Variants in MAP4 observed in about 807,000 individuals in gnomAD.
MAP4 encodes microtubule-associated protein 4.
Under a neutral mutation model 170.2 loss-of-function variants are expected in MAP4, and 76 were observed. The ratio of observed to expected loss-of-function variants is 0.45; its 90% CI spans 0.37 to 0.54. The LOEUF is 0.54. MAP4 is among the 20% of genes least tolerant of loss of function. The pLI, the probability that MAP4 is intolerant of heterozygous loss-of-function variation, is 0.00. For synonymous variants in MAP4, 909 were observed against 994.5 expected (o/e 0.91, Z 1.62); for missense variants, 2,506 against 2,748.0 (o/e 0.91, Z 1.97).
chr3:48,081,616 T>C (rs1273505033), intron 1 of MAP4, among the ~76,000 whole-genome samples: 1 of 152,162 alleles, frequency 6.6e-6, no homozygotes, highest in Non-Finnish European at 1.5e-5. Flanking sequence ...AAGAGAATGC[T>C]AGAATGAACT....
rs886793003 is a variant in MAP4 at position 47,909,083 on chromosome 3, A to G, written c.5338T>C (p.Ser1780Pro). The change falls in exon 9 of 21, where the codon TCT (serine) becomes CCT (proline). Residue 1780 changes from serine (S) to proline (P), a missense_variant. Ser to Pro is a moderately conservative substitution (Grantham distance 74). Transcript: ENST00000683076. ...TGTCTCTCTTGTTCCTGGATTGTAG[A>G]CTTTGGCAAAAGTGGAGTAAGTCCT... ...SRGLTPLLPK[S>P]TIQEQERHKQ... 1 of 1,613,840 alleles carries G rather than the reference A, an allele frequency of 6.2e-7. No individual in the cohort carries two copies. Among genetic ancestry groups the G allele is most frequent in the Non-Finnish European group, 8.5e-7 (1 of 1,179,892 alleles).
At chr3:47,912,447 CGTT>C in intron 8 of MAP4, 26 bp from the exon 9 acceptor site, 1 of 1,443,760 alleles carries the variant, frequency 6.9e-7, no homozygotes, top group Non-Finnish European at 9.1e-7. Context: ...AAAAACTCCT[CGTT>C]ATTGTTTCTT....
chr3:47,883,428 T>A (rs1163490709), intron 10 of MAP4, among the ~76,000 whole-genome samples: 2 of 152,150 alleles, frequency 1.3e-5, no homozygotes, highest in Non-Finnish European at 2.9e-5. Context: ...TTTCTCCATG[T>A]TGGTCAGGCT....
chr3:48,079,342 C>T (rs1378155856), intron 1 of MAP4, among the ~76,000 whole-genome samples: 2 of 151,918 alleles, frequency 1.3e-5, no homozygotes, highest in African/African-American at 4.8e-5. Context: ...GGATACTCAA[C>T]CTATATCTGA....
At chr3:48,035,093 T>C (rs953452124) in intron 1 of MAP4, among the ~76,000 whole-genome samples, 14 of 151,806 alleles carry the variant, frequency 9.2e-5, no homozygotes, top group African/African-American at 3.4e-4. Flanking sequence ...ACTTTCAGAA[T>C]TGTTTAATGC....
At chr3:48,008,094 T>C (rs2100103382) in intron 1 of MAP4, among the ~76,000 whole-genome samples, 3 of 152,196 alleles carry the variant, frequency 2.0e-5, no homozygotes, top group South Asian at 4.1e-4. Flanking sequence ...CATCTAGCCA[T>C]ACAGTGGATT....
chr3:47,952,443 A>C (rs1456502751), intron 3 of MAP4, among the ~76,000 whole-genome samples: 1 of 152,072 alleles, frequency 6.6e-6, no homozygotes, highest in Non-Finnish European at 1.5e-5. Flanking sequence ...TGTGGAATAG[A>C]AAAGGGGGAA....
chr3:48,024,036 G>A (rs541035742), intron 1 of MAP4, among the ~76,000 whole-genome samples: 114 of 152,344 alleles, frequency 7.5e-4, no homozygotes, highest in Non-Finnish European at 1.2e-3. Context: ...AATGGGCCAG[G>A]TGCAGTGGCT....
At chr3:47,973,998 C>A (rs1248903669) in intron 3 of MAP4, 1 of 985,354 alleles carries the variant, frequency 1.0e-6, no homozygotes. Flanking sequence ...GAGAATCCAG[C>A]CCTTGTGACC....
Position 47,870,934 on chromosome 3 carries a change from G to A in MAP4, c.6173C>T (p.Pro2058Leu). ...GCTGAGCCGGGGGGTGGTGGAGCTG[G>A]GTTTGGCCGAGGTGGGCTTCTTGTC... Reference protein sequence around the residue: ...FIDKKPTSAKPSSTTPRLSRL... With the variant: ...FIDKKPTSAKLSSTTPRLSRL... The change falls in exon 15 of 21, where the codon CCC (proline) becomes CTC (leucine). Residue 2058 changes from proline (P) to leucine (L), a missense_variant. Physicochemically the swap from Pro to Leu is moderately conservative, Grantham distance 98. This residue lies in a region of MAP4 where 487 missense variants were observed against 511.6 expected (regional missense o/e 0.95). Transcript: ENST00000683076. The A allele has an allele frequency of 6.2e-7, 1 of 1,614,136 alleles. No individual in the cohort carries two copies. The highest frequency in any genetic ancestry group is 8.5e-7 in the Non-Finnish European group (1 of 1,179,988).
intron 1 of MAP4, among the ~76,000 whole-genome samples, chr3:48,013,875 A>T (rs2154444447): frequency 6.6e-6 from 1 of 152,274 alleles, no homozygotes; most frequent in African/African-American, 2.4e-5. Flanking sequence ...TAAGCCCTGT[A>T]TTATCTAACC....
At chr3:48,040,753 G>A (rs1479482636) in intron 1 of MAP4, among the ~76,000 whole-genome samples, 1 of 151,930 alleles carries the variant, frequency 6.6e-6, no homozygotes, top group Non-Finnish European at 1.5e-5. Flanking sequence ...TAGTAGAGAC[G>A]GGGTTTCACC....
chr3:47,880,658 GATGGAGGTCTTGCC>G (rs2096569565), intron 10 of MAP4, among the ~76,000 whole-genome samples: 1 of 151,960 alleles, frequency 6.6e-6, no homozygotes, highest in Admixed American at 6.6e-5. Context: ...TTTTTGAAGA[GATGGAGGTCTTGCC>G]ATGTGGCCCA....
At chr3:47,890,112 CAT>C (rs898875348) in intron 10 of MAP4, among the ~76,000 whole-genome samples, 3 of 151,980 alleles carry the variant, frequency 2.0e-5, no homozygotes, top group East Asian at 1.9e-4. Context: ...AAGCAAAACA[CAT>C]GTTTTAAATC....
intron 1 of MAP4, among the ~76,000 whole-genome samples, chr3:48,068,549 G>T (rs2100139430): frequency 6.6e-6 from 1 of 152,270 alleles, no homozygotes; most frequent in East Asian, 1.9e-4. Context: ...CAGCCCTTAG[G>T]GAGGCCAAGG....
chr3:47,994,361 G>T (rs2100094138), intron 2 of MAP4, among the ~76,000 whole-genome samples: 2 of 152,196 alleles, frequency 1.3e-5, no homozygotes, highest in African/African-American at 4.8e-5. Flanking sequence ...GGAATGATAA[G>T]ATGTAAATAT....
chr3:47,891,279 TG>T, intron 10 of MAP4: 6 of 1,536,282 alleles, frequency 3.9e-6, no homozygotes, highest in Non-Finnish European at 5.2e-6. Flanking sequence ...GAGTTGCTGC[TG>T]CTGTTGCTGA....
At chr3:48,065,147 C>A (rs763326345) in intron 1 of MAP4, among the ~76,000 whole-genome samples, 4 of 152,022 alleles carry the variant, frequency 2.6e-5, no homozygotes, top group Non-Finnish European at 5.9e-5. Flanking sequence ...AAAGAAAAGT[C>A]TATTAATTTT....
At position 47,928,244 on chromosome 3, in the gene MAP4, G is replaced by A. The variant is rs20565; in HGVS notation, c.399C>T (p.Val133=). The part of the protein sequence containing the change: ...TNFCFQPEQV[V]DPIQTDPFKM... ...AACACTTACCAGTCTGGATAGGATC[G>A]ACCACTTGCTCAGGTTGGAAACAAA... Residue 133 remains valine, a synonymous_variant, in exon 4 of 21, where the codon GTC becomes GTT. Transcript: ENST00000683076. The A allele has an allele frequency of 0.017, 26,959 of 1,613,986 alleles. 3,585 individuals carry two copies. In the African/African-American group the frequency reaches 0.3, roughly 18 times the overall value.
Sources: allele counts gnomAD v4.1 joint callset (sites outside exome capture counted in the v4.1 genomes callset), GRCh38; gene constraint gnomAD v4.1.1; regional missense constraint gnomAD v4.1.1; transcripts MANE v1.5; gene names NCBI Gene and HGNC (gene_info 2026-07-23, HGNC 2026-07-21).